The following MICAL2 variants were observed in gnomAD, a reference collection of about 807,000 sequenced individuals.
MICAL2 encodes the protein [F-actin]-monooxygenase MICAL2.
In MICAL2, 77 loss-of-function variants were observed where a neutral mutation model predicts 127.3. The observed-to-expected ratio is 0.60, with a 90% confidence interval of 0.50 to 0.73. The LOEUF (loss-of-function observed/expected upper bound fraction) is 0.73, where lower values mean the gene tolerates loss of function less well. Among genes scored for constraint, MICAL2 ranks in the 30% least tolerant of loss-of-function variants. MICAL2 has a pLI of 0.00. For synonymous variants in MICAL2, 570 were observed against 551.1 expected, an observed-to-expected ratio of 1.03 and a Z score of -0.48; for missense variants, 1,351 against 1,434.4, an observed-to-expected ratio of 0.94 and a Z score of 0.94.
At chr11:12,271,368 G>A (rs1300050169), upstream of MICAL2, among the ~76,000 whole-genome samples, 4 of 152,216 alleles carry the variant, frequency 2.6e-5, no homozygotes, top group Non-Finnish European at 5.9e-5. Flanking sequence ...GACAGCAAGA[G>A]GGCTGGTGGT....
intron 32 of MICAL2, among the ~76,000 whole-genome samples, chr11:12,341,197 G>A (rs1938858538): frequency 6.6e-6 from 1 of 152,172 alleles, no homozygotes; most frequent in East Asian, 1.9e-4. Flanking sequence ...GCCCTGCACA[G>A]TGCTATTGAG....
intron 2 of MICAL2, among the ~76,000 whole-genome samples, chr11:12,139,362 C>A (rs571386944): frequency 1.3e-5 from 2 of 152,314 alleles, no homozygotes; most frequent in South Asian, 2.1e-4. Flanking sequence ...TCTCCGGGAG[C>A]TTTCCTGGAC....
intron 34 of MICAL2, among the ~76,000 whole-genome samples, chr11:12,355,222 C>G (rs1221955725): frequency 1.3e-5 from 2 of 152,178 alleles, no homozygotes. Context: ...GAGACTAACA[C>G]CCCCAGTTCC....
chr11:12,323,994 G>C (rs762458250), exon 31 of MICAL2: 5 of 1,609,728 alleles, frequency 3.1e-6, no homozygotes, highest in Non-Finnish European at 4.2e-6. Context: ...AAGACACTTA[G>C]AAGAAGAAAG....
chr11:12,265,474 A>C (rs945222247), downstream of MICAL2, among the ~76,000 whole-genome samples: 5 of 152,268 alleles, frequency 3.3e-5, no homozygotes, highest in African/African-American at 4.8e-5. Flanking sequence ...AGAACACCAC[A>C]CAGGGAAAAC....
At chr11:12,285,309 A>G (rs953827450) in intron 2 of MICAL2, among the ~76,000 whole-genome samples, 1 of 152,188 alleles carries the variant, frequency 6.6e-6, no homozygotes, top group East Asian at 1.9e-4. Context: ...TGTTAGCCTC[A>G]AGATGCAATT....
At chr11:12,135,118 C>T (rs1156979974) in intron 1 of MICAL2, among the ~76,000 whole-genome samples, 1 of 152,218 alleles carries the variant, frequency 6.6e-6, no homozygotes, top group Non-Finnish European at 1.5e-5. Flanking sequence ...AGAAAAGATA[C>T]TCCCATGAGC....
chr11:12,215,255 C>G (rs1855991776), intron 7 of MICAL2, among the ~76,000 whole-genome samples: 1 of 152,210 alleles, frequency 6.6e-6, no homozygotes, highest in African/African-American at 2.4e-5. Flanking sequence ...CACAACAGTG[C>G]CCTCAGACAG....
In MICAL2 at chr11:12,162,336, A is replaced by G; in HGVS notation, c.181A>G (p.Lys61Glu). The change falls in exon 3 of 28, where the codon AAA becomes GAA. Residue 61 changes from lysine to glutamate, a missense_variant. Coordinates refer to ENST00000683283, the MANE Select transcript of MICAL2 (RefSeq NM_001282663.2). ...SKLKSKVTTW[K>E]AKALWYKLDK... ...GCTCAAGTCCAAGGTGACCACCTGG[A>G]AAGCCAAAGCCCTGTGGTACAAATT... 1 of 1,614,270 alleles carries G rather than the reference A, an allele frequency of 6.2e-7. No individual in the cohort carries two copies. The highest frequency in any genetic ancestry group is 8.5e-7 in the Non-Finnish European group (1 of 1,180,044).
chr11:12,140,742 C>T (rs116057797), intron 2 of MICAL2, among the ~76,000 whole-genome samples: 3,593 of 152,240 alleles, frequency 0.024, 155 homozygotes, highest in African/African-American at 0.081. Context: ...TATGAGAGGT[C>T]CTTGGGAGAA....
At chr11:12,278,715 G>T (rs113398419) in intron 1 of MICAL2, among the ~76,000 whole-genome samples, 1 of 152,372 alleles carries the variant, frequency 6.6e-6, no homozygotes, top group African/African-American at 2.4e-5. Context: ...AGTGGAGATG[G>T]ATTTGTTAAT....
intron 1 of MICAL2, among the ~76,000 whole-genome samples, chr11:12,122,358 T>C (rs1186555432): frequency 6.6e-6 from 1 of 152,240 alleles, no homozygotes; most frequent in Non-Finnish European, 1.5e-5. Flanking sequence ...GGTTCCTTGT[T>C]GCCGCAGGCC....
intron 3 of MICAL2, among the ~76,000 whole-genome samples, chr11:12,192,252 G>A (rs556159951): frequency 8.5e-5 from 13 of 152,308 alleles, no homozygotes; most frequent in Admixed American, 3.3e-4. Flanking sequence ...AGGTGGGCAG[G>A]GCAGCTCGCC....
intron 7 of MICAL2, among the ~76,000 whole-genome samples, chr11:12,214,514 T>C (rs1855903292): frequency 1.3e-5 from 2 of 152,220 alleles, no homozygotes; most frequent in Non-Finnish European, 1.5e-5. Flanking sequence ...GTGGAATATC[T>C]CATCAAATTG....
At chr11:12,266,610 T>C, downstream of MICAL2, among the ~76,000 whole-genome samples, 1 of 152,220 alleles carries the variant, frequency 6.6e-6, no homozygotes, top group Non-Finnish European at 1.5e-5. Flanking sequence ...CGGTCAGTAC[T>C]GATGTTAAAG....
At chr11:12,359,942 C>T (rs182130731), downstream of MICAL2, among the ~76,000 whole-genome samples, 179 of 152,206 alleles carry the variant, frequency 1.2e-3, 1 homozygote, top group African/African-American at 4.1e-3. Context: ...CTGTCAGAGA[C>T]GCTCTCTGCA....
chr11:12,163,163 C>T (rs1332918661), intron 3 of MICAL2, among the ~76,000 whole-genome samples: 1 of 152,208 alleles, frequency 6.6e-6, no homozygotes, highest in African/African-American at 2.4e-5. Flanking sequence ...TGGCCATAGA[C>T]AGCATCGGCG....
At chr11:12,239,613 C>T (rs1455336722) in intron 17 of MICAL2, 28 bp downstream of exon 17, 1 of 1,606,424 alleles carries the variant, frequency 6.2e-7, no homozygotes. Context: ...CTCACTGGAC[C>T]TAACTTCCTG....
chr11:12,276,897 T>G (rs1209386938), intron 1 of MICAL2, among the ~76,000 whole-genome samples: 1 of 152,152 alleles, frequency 6.6e-6, no homozygotes, highest in Non-Finnish European at 1.5e-5. Flanking sequence ...ATAAATAAAA[T>G]AGACACATAT....
Sources: allele counts gnomAD v4.1 joint callset (sites outside exome capture counted in the v4.1 genomes callset), GRCh38; gene constraint gnomAD v4.1.1; transcripts MANE v1.5; gene names NCBI Gene and HGNC (gene_info 2026-07-23, HGNC 2026-07-21).